The following SYT1 variants were observed in gnomAD, a reference collection of about 807,000 sequenced individuals.
SYT1 encodes synaptotagmin 1.
A neutral mutation model predicts 44.8 loss-of-function variants in SYT1; 8 were observed. The ratio of observed to expected loss-of-function variants is 0.18; its 90% confidence interval spans 0.10 to 0.32. The LOEUF (loss-of-function observed/expected upper bound fraction) is 0.32. Among genes scored for constraint, SYT1 ranks in the 10% least tolerant of loss-of-function variants. The pLI, the probability that SYT1 is intolerant of heterozygous loss-of-function variation, is 1.00. For missense variants in SYT1, 286 were observed against 509.3 expected (o/e 0.56, Z 4.22); for synonymous variants, 154 against 188.8 (o/e 0.82, Z 1.51).
At chr12:78,947,312 G>A (rs1878712586) in intron 1 of SYT1, among the ~76,000 whole-genome samples, 1 of 151,996 alleles carries the variant, frequency 6.6e-6, no homozygotes, top group African/African-American at 2.4e-5. Flanking sequence ...TTTTTCACTG[G>A]CAAAGCTCTT....
intron 5 of SYT1, among the ~76,000 whole-genome samples, chr12:79,286,251 G>T (rs527254780): frequency 6.2e-4 from 95 of 152,242 alleles, no homozygotes; most frequent in African/African-American, 2.3e-3. Context: ...TGAATATTTT[G>T]ATTACATCTG....
intron 4 of SYT1, among the ~76,000 whole-genome samples, chr12:79,238,091 A>G (rs1412764498): frequency 6.6e-6 from 1 of 152,172 alleles, no homozygotes; most frequent in Non-Finnish European, 1.5e-5. Context: ...AGGTATCATC[A>G]GAGTTTTGTG....
At chr12:78,956,841 G>T (rs1565735986) in intron 1 of SYT1, among the ~76,000 whole-genome samples, 1 of 152,080 alleles carries the variant, frequency 6.6e-6, no homozygotes, top group Admixed American at 6.6e-5. Context: ...ATGTACTCTA[G>T]AGCAGTTAAA....
intron 1 of SYT1, among the ~76,000 whole-genome samples, chr12:78,915,224 C>A (rs1261330587): frequency 1.3e-5 from 2 of 151,978 alleles, no homozygotes; most frequent in Admixed American, 6.6e-5. Flanking sequence ...CAAAGGTTCC[C>A]AAGCACTGAA....
intron 8 of SYT1, among the ~76,000 whole-genome samples, chr12:79,313,161 T>G (rs1467242456): frequency 6.6e-6 from 1 of 152,266 alleles, no homozygotes; most frequent in Non-Finnish European, 1.5e-5. Flanking sequence ...TCTTGGCTTG[T>G]GTAGATTTAC....
intron 1 of SYT1, among the ~76,000 whole-genome samples, chr12:78,971,817 C>T (rs1451414162): frequency 1.3e-5 from 2 of 152,080 alleles, no homozygotes; most frequent in African/African-American, 4.8e-5. Context: ...ATGAATGATA[C>T]TTCAACTATA....
chr12:79,427,277 C>T (rs890814191), intron 9 of SYT1, among the ~76,000 whole-genome samples: 1 of 152,184 alleles, frequency 6.6e-6, no homozygotes, highest in African/African-American at 2.4e-5. Context: ...AAGTTTCATT[C>T]ACCATTATGT....
intron 3 of SYT1, among the ~76,000 whole-genome samples, chr12:79,199,395 T>C (rs1256779800): frequency 1.3e-5 from 2 of 152,146 alleles, no homozygotes; most frequent in Non-Finnish European, 1.5e-5. Context: ...CGTTTTTCCC[T>C]ACCAGCTGCC....
intron 1 of SYT1, among the ~76,000 whole-genome samples, chr12:78,892,793 CAAAT>C (rs1477527326): frequency 1.3e-5 from 2 of 151,516 alleles, no homozygotes; most frequent in African/African-American, 2.4e-5. Context: ...AGTTTAATGA[CAAAT>C]AACGGTAAAG....
Position 79,449,344 on chromosome 12 carries a change from A to T in SYT1, c.*220A>T. The stretch of plus-strand genomic sequence containing the variant: ...CTCCAAATCTACTCTTCTTTTAAGC[A>T]ATATGATGTGTAGATAGAGCATGAA... On this transcript the variant is annotated 3_prime_UTR_variant, in exon 11 of 11. Transcript: ENST00000261205. 3.6e-6 allele frequency: 2 copies of T among 556,334 alleles called. 1 individual carries two copies. Among genetic ancestry groups the T allele is most frequent in the Middle Eastern group, 9.6e-4 (2 of 2,078 alleles). The allele number at this position is 556,334 out of a possible 1,614,324, so 34.5% of individuals were successfully genotyped here. A position where few individuals can be genotyped will look rare whatever the true frequency, so the allele number is the denominator to read the frequency against.
At chr12:79,316,470 T>C (rs1881089193) in intron 8 of SYT1, among the ~76,000 whole-genome samples, 1 of 152,230 alleles carries the variant, frequency 6.6e-6, no homozygotes, top group Non-Finnish European at 1.5e-5. Flanking sequence ...TGTGGACATA[T>C]GCTTTCATTT....
chr12:78,978,488 A>T (rs1041100417), intron 2 of SYT1, among the ~76,000 whole-genome samples: 1 of 152,192 alleles, frequency 6.6e-6, no homozygotes, highest in African/African-American at 2.4e-5. Flanking sequence ...TGACTATTAC[A>T]TATGTTAGAG....
intron 1 of SYT1, among the ~76,000 whole-genome samples, chr12:78,901,307 C>T (rs1464245841): frequency 6.6e-6 from 1 of 152,038 alleles, no homozygotes; most frequent in African/African-American, 2.4e-5. Flanking sequence ...AGTCTTCTTC[C>T]ATGAATGATG....
chr12:79,027,758 A>T (rs757503069), intron 2 of SYT1, among the ~76,000 whole-genome samples: 31 of 151,618 alleles, frequency 2.0e-4, no homozygotes, highest in Non-Finnish European at 1.2e-4. Context: ...AACCATAAAT[A>T]AGAAGCTTTA....
chr12:79,212,103 A>C (rs1039801895), intron 3 of SYT1, among the ~76,000 whole-genome samples: 2 of 152,118 alleles, frequency 1.3e-5, no homozygotes, highest in Non-Finnish European at 2.9e-5. Context: ...AAAGGCTTGG[A>C]ACCAACCAAA....
intron 3 of SYT1, among the ~76,000 whole-genome samples, chr12:79,137,188 C>T (rs1592782257): frequency 6.6e-6 from 1 of 152,064 alleles, no homozygotes; most frequent in South Asian, 2.1e-4. Flanking sequence ...CTCCACCTCC[C>T]TGGTTCAGGC....
At chr12:78,968,671 T>G (rs1279420557) in intron 1 of SYT1, among the ~76,000 whole-genome samples, 1 of 152,136 alleles carries the variant, frequency 6.6e-6, no homozygotes, top group Non-Finnish European at 1.5e-5. Context: ...CTTCCCAATC[T>G]GGGGCATGCA....
chr12:78,915,403 A>G (rs991751374), intron 1 of SYT1, among the ~76,000 whole-genome samples: 1 of 152,032 alleles, frequency 6.6e-6, no homozygotes, highest in Admixed American at 6.6e-5. Context: ...GCAATGAAAA[A>G]GCTCTGGCCT....
chr12:79,395,602 G>T (rs1884836755), intron 9 of SYT1, among the ~76,000 whole-genome samples: 1 of 152,072 alleles, frequency 6.6e-6, no homozygotes, highest in Non-Finnish European at 1.5e-5. Context: ...GCTCAGGCTG[G>T]TCTCAAACAC....
Sources: gnomAD v4.1 joint callset for allele counts (sites outside exome capture counted in the v4.1 genomes callset) on GRCh38, gnomAD v4.1.1 for gene constraint, MANE v1.5 for transcripts, NCBI Gene and HGNC (gene_info 2026-07-23, HGNC 2026-07-21) for gene names.